The following DLG2 variants were observed in gnomAD, a reference collection of about 807,000 sequenced individuals.
DLG2 encodes the protein discs large MAGUK scaffold protein 2, also known as disks large homolog 2.
DLG2 carries 45 observed loss-of-function variants against 132.5 expected under a neutral mutation model. The ratio of observed to expected loss-of-function variants is 0.34; its 90% CI spans 0.27 to 0.44. DLG2 has a LOEUF of 0.44. Ranked by LOEUF, DLG2 falls within the 20% of genes least tolerant of loss-of-function variation. The probability of loss-of-function intolerance (pLI) is 1.00; values close to 1 mark genes in which losing one functional copy is unlikely to be tolerated. For synonymous variants in DLG2, 424 were observed against 419.6 expected (o/e 1.01, Z -0.13); for missense variants, 1,045 against 1,196.9 (o/e 0.87, Z 1.87).
intron 3 of DLG2, among the ~76,000 whole-genome samples, chr11:85,342,065 A>C (rs577883232): frequency 4.6e-5 from 7 of 152,324 alleles, no homozygotes; most frequent in Admixed American, 4.6e-4. Flanking sequence ...ACATTACTAC[A>C]CACCACTGAA....
At chr11:84,208,788 G>A (rs539405399) in intron 8 of DLG2, among the ~76,000 whole-genome samples, 1 of 152,160 alleles carries the variant, frequency 6.6e-6, no homozygotes, top group Non-Finnish European at 1.5e-5. Context: ...TTATCATAGG[G>A]ATTAAGGTTA....
At chr11:85,600,580 C>A (rs2080083122) in intron 2 of DLG2, among the ~76,000 whole-genome samples, 1 of 152,238 alleles carries the variant, frequency 6.6e-6, no homozygotes, top group African/African-American at 2.4e-5. Context: ...AGTTGATTCT[C>A]AATAATATTT....
At chr11:85,483,650 T>C (rs1223283157) in intron 3 of DLG2, among the ~76,000 whole-genome samples, 2 of 152,206 alleles carry the variant, frequency 1.3e-5, no homozygotes, top group Non-Finnish European at 2.9e-5. Flanking sequence ...AGACAATCTA[T>C]TAAGAATAAT....
intron 3 of DLG2, among the ~76,000 whole-genome samples, chr11:85,556,382 C>T (rs915749905): frequency 2.0e-5 from 3 of 151,850 alleles, no homozygotes; most frequent in Non-Finnish European, 4.4e-5. Context: ...TACTTTTAAA[C>T]AGGATTATAT....
chr11:84,581,447 GA>G (rs2099516085), intron 6 of DLG2, among the ~76,000 whole-genome samples: 1 of 152,092 alleles, frequency 6.6e-6, no homozygotes, highest in African/African-American at 2.4e-5. Flanking sequence ...AAGGAACATG[GA>G]AAGAGGATAA....
chr11:85,456,458 C>G (rs1453363178), intron 3 of DLG2, among the ~76,000 whole-genome samples: 1 of 152,146 alleles, frequency 6.6e-6, no homozygotes, highest in Non-Finnish European at 1.5e-5. Context: ...TTTCACATCT[C>G]AAATTCCTTC....
In DLG2 at chr11:85,536,323, C is replaced by T. The variant is rs116809083; in HGVS notation, c.40+62334G>A. Among the ~76,000 whole-genome samples, 1,409 of 152,160 alleles carry T rather than the reference C, an allele frequency of 9.3e-3. 18 individuals carry two copies. The highest frequency in any genetic ancestry group is 0.032 in the African/African-American group (1,331 of 41,510). On this transcript the variant is annotated intron_variant, in intron 3 of 27. Coordinates refer to ENST00000376104, the MANE Select transcript of DLG2 (RefSeq NM_001142699.3). Reference sequence around the variant, plus strand: ...GTACAGTACCTTGGCATGCTGCATCCTTTAAATTGAAGCACTTTGGGAGGA... The same window carrying T: ...GTACAGTACCTTGGCATGCTGCATCTTTTAAATTGAAGCACTTTGGGAGGA...
intron 6 of DLG2, among the ~76,000 whole-genome samples, chr11:84,680,674 G>A (rs7925310): frequency 0.11 from 16,859 of 152,076 alleles, 1,225 homozygotes; most frequent in African/African-American, 0.19. Flanking sequence ...TTGCTCTTCT[G>A]CTTCCTAGCT....
intron 7 of DLG2, among the ~76,000 whole-genome samples, chr11:84,478,894 A>T (rs1030262429): frequency 2.0e-5 from 3 of 152,094 alleles, no homozygotes; most frequent in Admixed American, 2.0e-4. Flanking sequence ...TTCTTTGCAT[A>T]ACAATAAAAT....
At chr11:84,318,426 T>A (rs1452112473) in intron 7 of DLG2, among the ~76,000 whole-genome samples, 3 of 152,198 alleles carry the variant, frequency 2.0e-5, no homozygotes, top group African/African-American at 7.2e-5. Context: ...CTAACAAAGA[T>A]TATATAATCC....
chr11:84,075,493 T>C (rs139776122), intron 10 of DLG2, among the ~76,000 whole-genome samples: 41 of 152,282 alleles, frequency 2.7e-4, no homozygotes, highest in South Asian at 1.9e-3. Context: ...CTAGTTAAGA[T>C]TGGGTTGGTC....
At chr11:84,088,446 G>C (rs913324182) in intron 10 of DLG2, among the ~76,000 whole-genome samples, 15 of 151,970 alleles carry the variant, frequency 9.9e-5, no homozygotes, top group Non-Finnish European at 1.9e-4. Flanking sequence ...TCAACTCATA[G>C]GTGGATTTCC....
intron 11 of DLG2, among the ~76,000 whole-genome samples, chr11:83,986,051 T>A (rs189575681): frequency 6.6e-5 from 10 of 151,994 alleles, no homozygotes; most frequent in Non-Finnish European, 7.4e-5. Flanking sequence ...CCAATAGATT[T>A]TTTTATTTTA....
intron 22 of DLG2, among the ~76,000 whole-genome samples, chr11:83,478,791 A>G (rs2092837621): frequency 6.6e-6 from 1 of 152,020 alleles, no homozygotes; most frequent in Admixed American, 6.6e-5. Flanking sequence ...ACATCAAGGA[A>G]ACTAGTGTCA....
chr11:84,260,009 C>T (rs1022483852), intron 7 of DLG2, among the ~76,000 whole-genome samples: 7 of 146,240 alleles, frequency 4.8e-5, no homozygotes, highest in African/African-American at 4.9e-5. Flanking sequence ...TATTTTTTAT[C>T]CCCTTGGACT....
At chr11:84,928,607 A>T (rs2047682738) in intron 6 of DLG2, among the ~76,000 whole-genome samples, 1 of 151,888 alleles carries the variant, frequency 6.6e-6, no homozygotes, top group Admixed American at 6.6e-5. Context: ...AGGGGTTTGT[A>T]GATCATCTAG....
intron 6 of DLG2, among the ~76,000 whole-genome samples, chr11:84,736,875 G>A (rs2063904517): frequency 6.6e-6 from 1 of 151,840 alleles, no homozygotes; most frequent in Non-Finnish European, 1.5e-5. Flanking sequence ...GATTATGCTG[G>A]TTAAAACATC....
intron 11 of DLG2, among the ~76,000 whole-genome samples, chr11:84,058,480 G>A (rs2154129907): frequency 1.4e-5 from 2 of 142,932 alleles, no homozygotes; most frequent in East Asian, 2.1e-4. Flanking sequence ...ACAAAGCAAG[G>A]GTCTGTCTCT....
chr11:84,596,014 C>G (rs1191508823), intron 6 of DLG2, among the ~76,000 whole-genome samples: 2 of 152,116 alleles, frequency 1.3e-5, no homozygotes, highest in Non-Finnish European at 2.9e-5. Context: ...AGGAGCCACT[C>G]TGAAGAATCT....
Sources: gnomAD v4.1 joint callset for allele counts (sites outside exome capture counted in the v4.1 genomes callset) on GRCh38, gnomAD v4.1.1 for gene constraint, MANE v1.5 for transcripts, NCBI Gene and HGNC (gene_info 2026-07-23, HGNC 2026-07-21) for gene names.